The following CAMK1D variants were observed in gnomAD, a reference collection of about 807,000 sequenced individuals.
CAMK1D encodes the protein calcium/calmodulin-dependent protein kinase type 1D.
Under a neutral mutation model 47.7 loss-of-function variants are expected in CAMK1D, and 9 were observed. That is an observed-to-expected ratio of 0.19 (90% CI 0.11 to 0.33). The LOEUF (loss-of-function observed/expected upper bound fraction) is 0.33, where lower values mean the gene tolerates loss of function less well. Among genes scored for constraint, CAMK1D ranks in the 10% least tolerant of loss-of-function variants. CAMK1D has a pLI of 1.00. For synonymous variants in CAMK1D, 184 were observed against 184.9 expected (o/e 0.99, Z 0.04); for missense variants, 291 against 488.7 (o/e 0.60, Z 3.81).
chr10:12,575,980 T>A (rs755826094), intron 2 of CAMK1D, among the ~76,000 whole-genome samples: 9 of 152,218 alleles, frequency 5.9e-5, no homozygotes, highest in Non-Finnish European at 1.2e-4. Context: ...GGGAGTTCTT[T>A]GTCAGTCATG....
intron 2 of CAMK1D, among the ~76,000 whole-genome samples, chr10:12,593,340 A>AT (rs1318108140): frequency 1.3e-5 from 2 of 152,218 alleles, no homozygotes; most frequent in Non-Finnish European, 2.9e-5. Context: ...CTGTAATCCC[A>AT]GCACTTCGGG....
At chr10:12,751,736 A>G (rs2130878923) in intron 3 of CAMK1D, among the ~76,000 whole-genome samples, 1 of 152,342 alleles carries the variant, frequency 6.6e-6, no homozygotes, top group South Asian at 2.1e-4. Flanking sequence ...GTACGGGTAG[A>G]AAGACAAAAA....
At chr10:12,440,894 G>A (rs1230842649) in intron 1 of CAMK1D, among the ~76,000 whole-genome samples, 3 of 152,198 alleles carry the variant, frequency 2.0e-5, no homozygotes, top group Non-Finnish European at 4.4e-5. Flanking sequence ...GCAGAAGCAG[G>A]GAGGTCACTC....
At chr10:12,379,701 C>T (rs566721843) in intron 1 of CAMK1D, among the ~76,000 whole-genome samples, 8 of 151,952 alleles carry the variant, frequency 5.3e-5, no homozygotes, top group East Asian at 1.9e-4. Context: ...TGCAGTGAGC[C>T]GAGATCGTGC....
intron 6 of CAMK1D, among the ~76,000 whole-genome samples, chr10:12,800,454 C>T (rs369517455): frequency 6.3e-4 from 96 of 152,228 alleles, no homozygotes; most frequent in African/African-American, 2.2e-3. Flanking sequence ...ATGTTAAATA[C>T]TGACCGAGTG....
At chr10:12,683,490 C>T (rs963980723) in intron 3 of CAMK1D, among the ~76,000 whole-genome samples, 13 of 152,126 alleles carry the variant, frequency 8.5e-5, no homozygotes, top group Non-Finnish European at 1.3e-4. Context: ...ACTTTTTACT[C>T]TCAAGATGGA....
At chr10:12,512,422 G>A (rs2132166375) in intron 1 of CAMK1D, among the ~76,000 whole-genome samples, 1 of 152,268 alleles carries the variant, frequency 6.6e-6, no homozygotes, top group South Asian at 2.1e-4. Context: ...TTGAGATGGA[G>A]CCCTGCTCTG....
At chr10:12,368,149 G>A (rs1023783329) in intron 1 of CAMK1D, among the ~76,000 whole-genome samples, 4 of 149,756 alleles carry the variant, frequency 2.7e-5, no homozygotes, top group East Asian at 2.0e-4. Context: ...CCGAGATTGC[G>A]CCACTGCAGT....
rs1467198110 is a variant in CAMK1D at position 12,694,089 on chromosome 10, T to TATA, written c.299+27280_299+27282dup. 2.1e-3 allele frequency among the ~76,000 whole-genome samples: 36 copies of TATA among 17,248 alleles called. 2 individuals are homozygous for TATA. The highest frequency in any genetic ancestry group is 7.4e-3 in the African/African-American group (34 of 4,616). The allele number at this position is 17,248 out of a possible 152,430, so 11.3% of individuals were successfully genotyped here. A position where few individuals can be genotyped will look rare whatever the true frequency, so the allele number is the denominator to read the frequency against. ...AATATATAAAAAATATTATGTATAA[T>TATA]ATATATTATATAATATATAATATAT... On this transcript the variant is annotated intron_variant, in intron 3 of 10. Transcript: ENST00000619168.
At chr10:12,369,108 C>A (rs997347841) in intron 1 of CAMK1D, among the ~76,000 whole-genome samples, 11 of 152,158 alleles carry the variant, frequency 7.2e-5, no homozygotes, top group Non-Finnish European at 1.5e-4. Context: ...AGCCACCACA[C>A]CCAGCCAGGA....
At chr10:12,673,411 A>G (rs10906201) in intron 3 of CAMK1D, among the ~76,000 whole-genome samples, 66,941 of 152,054 alleles carry the variant, frequency 0.44, 15,463 homozygotes, top group Non-Finnish European at 0.49. Flanking sequence ...TCTATTTTCA[A>G]TGGATCTTTA....
intron 1 of CAMK1D, among the ~76,000 whole-genome samples, chr10:12,453,511 C>T (rs955564314): frequency 2.9e-4 from 44 of 152,132 alleles, no homozygotes; most frequent in South Asian, 1.0e-3. Context: ...TTTTTAAGGC[C>T]GAATAATATT....
intron 6 of CAMK1D, among the ~76,000 whole-genome samples, chr10:12,804,473 G>GCC (rs916570534): frequency 2.0e-5 from 3 of 151,982 alleles, no homozygotes; most frequent in African/African-American, 7.3e-5. Context: ...AATTAGCCAG[G>GCC]CGTGGTGGTG....
chr10:12,570,775 G>A lies in CAMK1D; in HGVS notation c.224+17419G>A, dbSNP rs116868571. Among the ~76,000 whole-genome samples, 646 of 151,476 alleles carry A rather than the reference G, an allele frequency of 4.3e-3. 17 individuals carry two copies. In the East Asian group the frequency reaches 0.08, roughly 19 times the overall value. ...AGGCCAGGAGTTCAACGCCAATCTG[G>A]CCAACAAAAAGAAAATAAAAAATAA... is the stretch of plus-strand genomic sequence containing the variant. On this transcript the variant is annotated intron_variant, in intron 2 of 10. Coordinates refer to ENST00000619168, the MANE Select transcript of CAMK1D (RefSeq NM_153498.4).
intron 2 of CAMK1D, among the ~76,000 whole-genome samples, chr10:12,596,578 A>G (rs72771738): frequency 1.0e-3 from 158 of 152,314 alleles, no homozygotes; most frequent in Non-Finnish European, 2.0e-3. Flanking sequence ...AGCTACTCCT[A>G]GGTACCGATT....
At position 12,428,273 on chromosome 10, in the gene CAMK1D, G is replaced by T. The variant is rs531039895; in HGVS notation, c.92+78363G>T. ...CTTTCTTACAGGAAAGAGTTGGGTT[G>T]TGTCCATCCTGCCTAGAATCCCTGC... On this transcript the variant is annotated intron_variant, in intron 1 of 10. Coordinates refer to ENST00000619168, the MANE Select transcript of CAMK1D (RefSeq NM_153498.4). 3.9e-5 allele frequency among the ~76,000 whole-genome samples: 6 copies of T among 152,238 alleles called. No homozygotes were observed. In the East Asian group the frequency reaches 1.2e-3, roughly 29 times the overall value.
At chr10:12,656,867 A>G (rs1840131530) in intron 2 of CAMK1D, among the ~76,000 whole-genome samples, 1 of 152,334 alleles carries the variant, frequency 6.6e-6, no homozygotes, top group East Asian at 1.9e-4. Flanking sequence ...TTTTACATAA[A>G]CACATATATA....
intron 3 of CAMK1D, among the ~76,000 whole-genome samples, chr10:12,668,349 G>A (rs559676607): frequency 6.6e-6 from 1 of 152,280 alleles, no homozygotes; most frequent in African/African-American, 2.4e-5. Flanking sequence ...CATTGGTAAT[G>A]CAAAAACTAC....
chr10:12,777,594 G>A (rs1445997636), intron 5 of CAMK1D, among the ~76,000 whole-genome samples: 1 of 151,932 alleles, frequency 6.6e-6, no homozygotes, highest in Admixed American at 6.6e-5. Flanking sequence ...GGCTGGTCTC[G>A]AACTCCCAAC....
Sources: allele counts gnomAD v4.1 joint callset (sites outside exome capture counted in the v4.1 genomes callset), GRCh38; gene constraint gnomAD v4.1.1; transcripts MANE v1.5; gene names NCBI Gene and HGNC (gene_info 2026-07-23, HGNC 2026-07-21).